The following PLCG1 variants were observed in gnomAD, a reference collection of about 807,000 sequenced individuals.
The protein encoded by PLCG1 is phospholipase C gamma 1, also known as 1-phosphatidylinositol 4,5-bisphosphate phosphodiesterase gamma-1.
PLCG1 carries 71 observed loss-of-function variants against 177.8 expected under a neutral mutation model. The observed-to-expected ratio is 0.40, with a 90% CI of 0.33 to 0.49. PLCG1 has a LOEUF of 0.49. Ranked by LOEUF, PLCG1 falls within the 20% of genes least tolerant of loss-of-function variation. The pLI, the probability that PLCG1 is intolerant of heterozygous loss-of-function variation, is 0.72. For synonymous variants in PLCG1, 658 were observed against 647.9 expected (o/e 1.02, Z -0.24); for missense variants, 1,281 against 1,709.0 (o/e 0.75, Z 4.42).
In PLCG1 at chr20:41,166,485, C is replaced by T. The variant is rs578056450; in HGVS notation, c.2010C>T (p.His670=). The stretch of plus-strand genomic sequence containing the variant: ...CTCTGCCTGTTCTCAGGTGGTACCA[C>T]GCGAGCCTGACCAGAGCACAGGCTG... The part of the protein sequence containing the change: ...TNAHESKEWY[H]ASLTRAQAEH... The change falls in exon 18 of 32, where the codon CAC becomes CAT. Residue 670 remains histidine, a synonymous_variant. Coordinates refer to ENST00000685551, the MANE Select transcript of PLCG1 (RefSeq NM_002660.3). The surrounding 1 kb of genome is among the most constrained non-coding windows in gnomAD (Gnocchi z 8.6). The T allele has an allele frequency of 5.6e-6, 9 of 1,614,032 alleles. No individual in the cohort carries two copies. The highest frequency in any genetic ancestry group is 4.0e-5 in the African/African-American group (3 of 75,048).
intron 1 of PLCG1, among the ~76,000 whole-genome samples, chr20:41,140,361 C>T (rs980776486): frequency 7.9e-5 from 12 of 152,202 alleles, no homozygotes; most frequent in East Asian, 1.9e-4. Flanking sequence ...CTGATCCCTG[C>T]GGCCTCTGAG....
intron 1 of PLCG1, among the ~76,000 whole-genome samples, chr20:41,152,425 C>G (rs1223220033): frequency 6.6e-6 from 1 of 152,256 alleles, no homozygotes; most frequent in Non-Finnish European, 1.5e-5. Context: ...CACATTCCCC[C>G]CAACTATGCC....
In PLCG1 at chr20:41,150,904, C is replaced by G. The variant is rs189063924; in HGVS notation, c.218-8702C>G. On this transcript the variant is annotated intron_variant, in intron 1 of 31. Transcript: ENST00000685551. This position sits in a 1 kb window ranked among gnomAD's most constrained non-coding sequence, Gnocchi z 4.0. Reference sequence around the variant, plus strand: ...TTATCTGCTTCCCCATCTGTTTCCTCCATCAGGCAGGGGTTTTCTCAAAGG... The same window carrying G: ...TTATCTGCTTCCCCATCTGTTTCCTGCATCAGGCAGGGGTTTTCTCAAAGG... 6.6e-6 allele frequency among the ~76,000 whole-genome samples: 1 copy of G among 152,316 alleles called. No individual in the cohort carries two copies. Among genetic ancestry groups the G allele is most frequent in the East Asian group, 1.9e-4 (1 of 5,190 alleles).
At position 41,163,399 on chromosome 20, in the gene PLCG1, C is replaced by T. The variant is rs1284837952; in HGVS notation, c.811C>T (p.Leu271Phe). The change falls in exon 9 of 32, where the codon CTC becomes TTC. Residue 271 changes from leucine (L) to phenylalanine (F), a missense_variant. Leu to Phe is a conservative substitution (Grantham distance 22, BLOSUM62 0). Around this residue, in one of 4 missense-constraint regions of PLCG1, gnomAD observed 374 missense variants for 443.8 expected, o/e 0.84. Transcript: ENST00000685551. The surrounding 1 kb of genome is among the most constrained non-coding windows in gnomAD (Gnocchi z 5.2). ...YQGELWAVDR[L>F]QVQEFMLSFL... The stretch of plus-strand genomic sequence containing the variant: ...TCAGGAGCTGTGGGCTGTTGATCGC[C>T]TCCAGGTGCAGGAGTTCATGCTCAG... 2 of 1,613,304 alleles carry T rather than the reference C, an allele frequency of 1.2e-6. No homozygotes were observed. Among genetic ancestry groups the T allele is most frequent in the East Asian group, 4.5e-5 (2 of 44,880 alleles).
chr20:41,174,160 T>A lies in PLCG1; in HGVS notation c.3682T>A (p.Ser1228Thr). ...NGDLSPFSGTSLRERGSDASG... is the reference protein window; with the variant it reads ...NGDLSPFSGTTLRERGSDASG... Reference sequence around the variant, plus strand: ...TGACCTCAGTCCCTTCAGTGGTACGTCCCTGCGGGAGCGGGGCTCAGATGC... The same window carrying A: ...TGACCTCAGTCCCTTCAGTGGTACGACCCTGCGGGAGCGGGGCTCAGATGC... Residue 1228 changes from serine to threonine, a missense_variant, in exon 31 of 32, where the codon TCC becomes ACC. Ser to Thr is a moderately conservative substitution (Grantham distance 58). Coordinates refer to ENST00000685551, the MANE Select transcript of PLCG1 (RefSeq NM_002660.3). This position sits in a 1 kb window ranked among gnomAD's most constrained non-coding sequence, Gnocchi z 5.8. 1 of 1,614,158 alleles carries A rather than the reference T, an allele frequency of 6.2e-7. No homozygotes were observed. Among genetic ancestry groups the A allele is most frequent in the South Asian group, 1.1e-5 (1 of 91,086 alleles).
Position 41,163,891 on chromosome 20 carries a change from A to ATACC in PLCG1, c.1011-24_1011-21dup, listed in dbSNP as rs766717002. ...CTTCCCCAGGAGGGCCCATCTGACC[A>ATACC]TACCTACCTGCCTCTCCTTGCCTAT... On this transcript the variant is annotated intron_variant, in intron 10 of 31. Coordinates refer to ENST00000685551, the MANE Select transcript of PLCG1 (RefSeq NM_002660.3). The surrounding 1 kb of genome is among the most constrained non-coding windows in gnomAD (Gnocchi z 5.2). 3.1e-6 allele frequency: 5 copies of ATACC among 1,612,244 alleles called. No individual in the cohort carries two copies. In the East Asian group the frequency reaches 1.1e-4, roughly 36 times the overall value.
Position 41,160,160 on chromosome 20 carries a change from A to C in PLCG1, c.512+7A>C, listed in dbSNP as rs775349067. ...ATCGGAATCGTGAGGATCGGTAAGT[A>C]CTGAGCTGTGGCTGTAGCCCAGCAG... On this transcript the variant is annotated splice_region_variant and intron_variant, in intron 4 of 31. Coordinates refer to ENST00000685551, the MANE Select transcript of PLCG1 (RefSeq NM_002660.3). The surrounding 1 kb of genome is among the most constrained non-coding windows in gnomAD (Gnocchi z 5.5). The C allele has an allele frequency of 6.2e-7, 1 of 1,613,712 alleles. No individual in the cohort carries two copies. Among genetic ancestry groups the C allele is most frequent in the Admixed American group, 1.7e-5 (1 of 60,028 alleles).
In PLCG1 at chr20:41,172,486, T is replaced by TA; in HGVS notation, c.2972dup (p.Tyr991Ter). 1 of 1,614,156 alleles carries TA rather than the reference T, an allele frequency of 6.2e-7. No homozygotes were observed. The highest frequency in any genetic ancestry group is 8.5e-7 in the Non-Finnish European group (1 of 1,180,032). Residue 991 changes from tyrosine to a stop codon, truncating the protein, a stop_gained and frameshift_variant, in exon 26 of 32, where the codon TAC becomes TAAC. Coordinates refer to ENST00000685551, the MANE Select transcript of PLCG1 (RefSeq NM_002660.3). LOFTEE classifies it high-confidence loss of function. The surrounding 1 kb of genome is among the most constrained non-coding windows in gnomAD (Gnocchi z 7.0). Reference sequence around the variant, plus strand: ...CTTCCCGGAAACCAAGGCTGAGAAATACGTGAACAAGGCCAAAGGCAAGAA... The same window carrying TA: ...CTTCCCGGAAACCAAGGCTGAGAAATAACGTGAACAAGGCCAAAGGCAAGAA... ...SSFPETKAEK[Y>*]VNKAKGKKFL...
intron 24 of PLCG1, among the ~76,000 whole-genome samples, chr20:41,171,081 C>T (rs1361669154): frequency 6.6e-6 from 1 of 152,182 alleles, no homozygotes; most frequent in African/African-American, 2.4e-5. Context: ...GAAGTATTCT[C>T]AAGGGTTAGG....
chr20:41,142,560 A>G, intron 1 of PLCG1, among the ~76,000 whole-genome samples: 1 of 152,122 alleles, frequency 6.6e-6, no homozygotes, highest in African/African-American at 2.4e-5. Context: ...CAGGGTGGGG[A>G]TGCCATGGTG....
chr20:41,137,716 C>T lies in PLCG1; in HGVS notation c.75C>T (p.Leu25=). ...GAPSDAEVLH[L]CRSLEVGTVM... ...CCTCGGACGCCGAGGTGCTGCACCT[C>T]TGCCGCAGCCTCGAGGTGGGCACCG... The change falls in exon 1 of 32, where the codon CTC becomes CTT. Residue 25 remains leucine (L), a synonymous_variant. Coordinates refer to ENST00000685551, the MANE Select transcript of PLCG1 (RefSeq NM_002660.3). The surrounding 1 kb of genome is among the most constrained non-coding windows in gnomAD (Gnocchi z 7.3). The T allele has an allele frequency of 7.6e-7, 1 of 1,312,604 alleles. No individual in the cohort carries two copies. Among genetic ancestry groups the T allele is most frequent in the Non-Finnish European group, 9.8e-7 (1 of 1,025,636 alleles). The allele number at this position is 1,312,604 out of a possible 1,614,324, so 81.3% of individuals were successfully genotyped here. A position where few individuals can be genotyped will look rare whatever the true frequency, so the allele number is the denominator to read the frequency against.
chr20:41,149,039 A>G (rs570830683), intron 1 of PLCG1, among the ~76,000 whole-genome samples: 3 of 152,310 alleles, frequency 2.0e-5, no homozygotes, highest in South Asian at 4.1e-4. Context: ...TTATCGTTGT[A>G]AGGCAGTCTT....
rs2035627433 is a variant in PLCG1, at chr20:41,164,843, C to G, written c.1218-90C>G. 1 of 1,297,240 alleles carries G rather than the reference C, an allele frequency of 7.7e-7. No individual in the cohort carries two copies. The allele number at this position is 1,297,240 out of a possible 1,614,324, so 80.4% of individuals were successfully genotyped here. Reference sequence around the variant, plus strand: ...TTTTTACAGACAAGAAGCCCCCAGGCCCTTGGCTTCCAACAGCTCACTGTG... The same window carrying G: ...TTTTTACAGACAAGAAGCCCCCAGGGCCTTGGCTTCCAACAGCTCACTGTG... On this transcript the variant is annotated intron_variant, in intron 12 of 31. Coordinates refer to ENST00000685551, the MANE Select transcript of PLCG1 (RefSeq NM_002660.3). This position sits in a 1 kb window ranked among gnomAD's most constrained non-coding sequence, Gnocchi z 6.4.
Position 41,162,468 on chromosome 20 carries a change from C to A in PLCG1, c.529C>A (p.Leu177Met). ...NREDRISAKD[L>M]KNMLSQVNYR... ...TTTTCTCAGTATATCAGCCAAGGAC[C>A]TGAAGAACATGCTGTCCCAGGTCAA... The change falls in exon 5 of 32, where the codon CTG becomes ATG. Residue 177 changes from leucine to methionine, a missense_variant. Coordinates refer to ENST00000685551, the MANE Select transcript of PLCG1 (RefSeq NM_002660.3). The A allele has an allele frequency of 1.9e-6, 3 of 1,613,750 alleles. No homozygotes were observed. The highest frequency in any genetic ancestry group is 2.5e-6 in the Non-Finnish European group (3 of 1,179,792).
Position 41,157,814 on chromosome 20 carries a change from G to T in PLCG1, c.218-1792G>T, listed in dbSNP as rs13433162. ...AGAGAGGGTGAGAGGGCAAAAGCTG[G>T]GGAGGTAAATTCCTGAGCCCTGTCA... On this transcript the variant is annotated intron_variant, in intron 1 of 31. Transcript: ENST00000685551. This position sits in a 1 kb window ranked among gnomAD's most constrained non-coding sequence, Gnocchi z 5.4. Among the ~76,000 whole-genome samples the T allele has an allele frequency of 5.9e-5, 9 of 152,152 alleles. No homozygotes were observed. Among genetic ancestry groups the T allele is most frequent in the African/African-American group, 2.2e-4 (9 of 41,408 alleles).
At position 41,165,994 on chromosome 20, in the gene PLCG1, C is replaced by A. The variant is rs905905749; in HGVS notation, c.1799+168C>A. 1.5e-6 allele frequency: 1 copy of A among 675,414 alleles called. No individual in the cohort carries two copies. Among genetic ancestry groups the A allele is most frequent in the Non-Finnish European group, 2.4e-6 (1 of 409,400 alleles). 41.8% of individuals were successfully genotyped at this position (675,414 alleles called of 1,614,324 possible). ...CACACACACACTCTCTGTCTCACCC[C>A]CCCCCCATACCCCTCCCTTTTCGGT... On this transcript the variant is annotated intron_variant, in intron 16 of 31. Transcript: ENST00000685551. The surrounding 1 kb of genome is among the most constrained non-coding windows in gnomAD (Gnocchi z 6.6).
chr20:41,166,808 G>A lies in PLCG1; in HGVS notation c.2250G>A (p.Met750Ile), dbSNP rs1229106580. Residue 750 changes from methionine to isoleucine, a missense_variant, in exon 19 of 32, where the codon ATG (methionine) becomes ATA (isoleucine). Transcript: ENST00000685551. This position sits in a 1 kb window ranked among gnomAD's most constrained non-coding sequence, Gnocchi z 8.6. ...AGAAACACCCGCTATACCGCAAGATGAAGCTGCGCTATCCCATCAACGAGG... is the reference window on the plus strand; with the variant it reads ...AGAAACACCCGCTATACCGCAAGATAAAGCTGCGCTATCCCATCAACGAGG... ...YYEKHPLYRK[M>I]KLRYPINEEA... 1.9e-6 allele frequency: 3 copies of A among 1,614,070 alleles called. No individual in the cohort carries two copies. Among genetic ancestry groups the A allele is most frequent in the Non-Finnish European group, 2.5e-6 (3 of 1,180,054 alleles).
Position 41,167,756 on chromosome 20 carries a change from G to A in PLCG1, c.2302-96G>A. The A allele has an allele frequency of 1.2e-6, 1 of 855,090 alleles. No homozygotes were observed. Among genetic ancestry groups the A allele is most frequent in the East Asian group, 2.5e-5 (1 of 39,706 alleles). The allele number at this position is 855,090 out of a possible 1,614,324, so 53.0% of individuals were successfully genotyped here. A position where few individuals can be genotyped will look rare whatever the true frequency, so the allele number is the denominator to read the frequency against. On this transcript the variant is annotated intron_variant, in intron 19 of 31. Coordinates refer to ENST00000685551, the MANE Select transcript of PLCG1 (RefSeq NM_002660.3). This position sits in a 1 kb window ranked among gnomAD's most constrained non-coding sequence, Gnocchi z 4.4. ...CCTGTGGATCAGGTGCAAGTTTGCTGCACTGGGGGAAAGGGAAGCTGCTCC... is the reference window on the plus strand; with the variant it reads ...CCTGTGGATCAGGTGCAAGTTTGCTACACTGGGGGAAAGGGAAGCTGCTCC...
intron 24 of PLCG1, 174 bp downstream of exon 24, chr20:41,170,443 C>G (rs2035860931): frequency 6.3e-6 from 4 of 638,858 alleles, no homozygotes; most frequent in Non-Finnish European, 1.1e-5. Context: ...ACATAAGATG[C>G]AATGTGGTGT....
Sources: gnomAD v4.1 joint callset for allele counts (sites outside exome capture counted in the v4.1 genomes callset) on GRCh38, gnomAD v4.1.1 for gene constraint, gnomAD v4.1.1 regional missense constraint, Gnocchi (gnomAD v3.1) non-coding constraint, MANE v1.5 for transcripts, NCBI Gene and HGNC (gene_info 2026-07-23, HGNC 2026-07-21) for gene names.